ZHX3: variants seen among roughly 807,000 people sequenced by gnomAD.
ZHX3 encodes zinc fingers and homeoboxes protein 3.
In ZHX3, 20 loss-of-function variants were observed where a neutral mutation model predicts 64.5. That is an observed-to-expected ratio of 0.31 (90% confidence interval 0.22 to 0.45). The LOEUF is 0.45. ZHX3 is among the 20% of genes least tolerant of loss of function. ZHX3 has a pLI of 1.00. For synonymous variants in ZHX3, 423 were observed against 461.6 expected (o/e 0.92, Z 1.07); for missense variants, 1,041 against 1,195.8 (o/e 0.87, Z 1.91).
In ZHX3 at chr20:41,282,361, C is replaced by CT. The variant is rs568284480; in HGVS notation, c.-244-13279dup. 6.9e-3 allele frequency among the ~76,000 whole-genome samples: 672 copies of CT among 97,170 alleles called. 29 individuals are homozygous for CT. Among genetic ancestry groups the CT allele is most frequent in the Non-Finnish European group, 9.0e-3 (456 of 50,906 alleles). 63.7% of individuals were successfully genotyped at this position (97,170 alleles called of 152,430 possible). ...TAGAGGTCCATTAGACACAATTCATCTTTTTTTTTTTTTTTTTTTGCGAAG... is the reference window on the plus strand; with the variant it reads ...TAGAGGTCCATTAGACACAATTCATCTTTTTTTTTTTTTTTTTTTTGCGAAG... On this transcript the variant is annotated intron_variant, in intron 1 of 3. Coordinates refer to ENST00000683867, the MANE Select transcript of ZHX3 (RefSeq NM_001384317.1).
intron 2 of ZHX3, among the ~76,000 whole-genome samples, chr20:41,255,163 T>A (rs6129781): frequency 0.21 from 32,425 of 151,872 alleles, 3,676 homozygotes; most frequent in South Asian, 0.29. Context: ...ATATATATAT[T>A]TTTTTTGACA....
intron 1 of ZHX3, among the ~76,000 whole-genome samples, chr20:41,279,925 C>G (rs1219015507): frequency 6.6e-6 from 1 of 152,142 alleles, no homozygotes; most frequent in Non-Finnish European, 1.5e-5. Context: ...CCAGGACTGT[C>G]AGGAGAATAA....
chr20:41,204,640 C>A lies in ZHX3; in HGVS notation c.277G>T (p.Val93Leu). 1 of 1,614,230 alleles carries A rather than the reference C, an allele frequency of 6.2e-7. No homozygotes were observed. Among genetic ancestry groups the A allele is most frequent in the Non-Finnish European group, 8.5e-7 (1 of 1,180,042 alleles). ...DFRSHDMTQF[V>L]GHMNSEHTDF... ...GTGTGCTCTGAGTTCATATGTCCCA[C>A]AAATTGGGTCATGTCATGGGATCTG... The change falls in exon 3 of 4, where the codon GTG becomes TTG. Residue 93 changes from valine to leucine, a missense_variant. Physicochemically the swap from Val to Leu is conservative, Grantham distance 32. Around this residue, in one of 4 missense-constraint regions of ZHX3, gnomAD observed 358 missense variants for 369.1 expected, o/e 0.97. Transcript: ENST00000683867. This position sits in a 1 kb window ranked among gnomAD's most constrained non-coding sequence, Gnocchi z 6.6.
chr20:41,286,051 T>G (rs952674654), intron 1 of ZHX3, among the ~76,000 whole-genome samples: 2 of 152,250 alleles, frequency 1.3e-5, no homozygotes, highest in African/African-American at 4.8e-5. Context: ...TCTTGAATAC[T>G]TGTAAAGTCT....
intron 1 of ZHX3, among the ~76,000 whole-genome samples, chr20:41,272,789 T>C (rs1226161008): frequency 1.3e-5 from 2 of 152,146 alleles, no homozygotes; most frequent in Non-Finnish European, 2.9e-5. Flanking sequence ...TGATAGACAT[T>C]TGGGTTGTTT....
chr20:41,257,662 A>G (rs2042330903), intron 2 of ZHX3, among the ~76,000 whole-genome samples: 1 of 146,140 alleles, frequency 6.8e-6, no homozygotes, highest in Non-Finnish European at 1.5e-5. Context: ...CCCAGGCTGC[A>G]GTGCAGTGGC....
intron 2 of ZHX3, among the ~76,000 whole-genome samples, chr20:41,244,020 T>C (rs1165389722): frequency 6.6e-6 from 1 of 152,138 alleles, no homozygotes; most frequent in Non-Finnish European, 1.5e-5. Context: ...AATCTTTTTA[T>C]TGACATTTAG....
chr20:41,225,591 G>A (rs1027334731), intron 2 of ZHX3, among the ~76,000 whole-genome samples: 4 of 152,224 alleles, frequency 2.6e-5, no homozygotes, highest in East Asian at 1.9e-4. Context: ...AGGTTCAAGC[G>A]ATTCTCCTAC....
At chr20:41,210,044 A>G (rs1299087355) in intron 2 of ZHX3, among the ~76,000 whole-genome samples, 3 of 152,266 alleles carry the variant, frequency 2.0e-5, no homozygotes, top group African/African-American at 7.2e-5. Context: ...AAGGATATGA[A>G]CAGACACTTC....
At chr20:41,255,156 TA>T in intron 2 of ZHX3, among the ~76,000 whole-genome samples, 1 of 152,020 alleles carries the variant, frequency 6.6e-6, no homozygotes, top group African/African-American at 2.4e-5. Context: ...AAATGATATA[TA>T]TATATTTTTT....
Position 41,204,397 on chromosome 20 carries a change from C to G in ZHX3, c.520G>C (p.Asp174His). ...LAGEPSAEGA[D>H]GQAEIIITKT... Reference sequence around the variant, plus strand: ...GTAATGATGATTTCTGCCTGTCCATCAGCCCCTTCAGCACTGGGCTCACCC... The same window carrying G: ...GTAATGATGATTTCTGCCTGTCCATGAGCCCCTTCAGCACTGGGCTCACCC... Residue 174 changes from aspartate to histidine, a missense_variant, in exon 3 of 4, where the codon GAT becomes CAT. Transcript: ENST00000683867. The surrounding 1 kb of genome is among the most constrained non-coding windows in gnomAD (Gnocchi z 6.6). 1.9e-6 allele frequency: 3 copies of G among 1,614,210 alleles called. No homozygotes were observed. Among genetic ancestry groups the G allele is most frequent in the Non-Finnish European group, 2.5e-6 (3 of 1,180,046 alleles).
chr20:41,275,151 T>G (rs1469617937), intron 1 of ZHX3, among the ~76,000 whole-genome samples: 1 of 151,702 alleles, frequency 6.6e-6, no homozygotes. Flanking sequence ...AGAGTGAAAC[T>G]CCGTCTCAAA....
chr20:41,284,478 C>A (rs951789919), intron 1 of ZHX3, among the ~76,000 whole-genome samples: 1 of 152,160 alleles, frequency 6.6e-6, no homozygotes, highest in Non-Finnish European at 1.5e-5. Flanking sequence ...CTATGTTGCC[C>A]ATCTCAGTGT....
chr20:41,249,611 T>TC (rs1347235245), intron 2 of ZHX3, among the ~76,000 whole-genome samples: 2 of 152,056 alleles, frequency 1.3e-5, no homozygotes, highest in African/African-American at 4.8e-5. Flanking sequence ...GAGGCCTCCT[T>TC]CCCCCAGTTC....
intron 2 of ZHX3, among the ~76,000 whole-genome samples, chr20:41,242,370 C>T (rs1449912173): frequency 2.0e-5 from 3 of 152,184 alleles, no homozygotes; most frequent in Non-Finnish European, 2.9e-5. Flanking sequence ...GATTCTTAAC[C>T]ACAGCACATC....
At position 41,201,911 on chromosome 20, in the gene ZHX3, T is replaced by A. The variant is rs1274064174; in HGVS notation, c.2860+146A>T. The A allele has an allele frequency of 2.1e-6, 2 of 940,222 alleles. No individual in the cohort carries two copies. Among genetic ancestry groups the A allele is most frequent in the Admixed American group, 6.2e-5 (2 of 32,326 alleles). 58.2% of individuals were successfully genotyped at this position (940,222 alleles called of 1,614,324 possible). On this transcript the variant is annotated intron_variant, in intron 3 of 3. Transcript: ENST00000683867. This position sits in a 1 kb window ranked among gnomAD's most constrained non-coding sequence, Gnocchi z 5.0. ...TTCCTATGGCTTCTGCTGCTAGTTG[T>A]CCTCTGAAGCAGCCAGGCGGTTAAT...
Position 41,185,205 on chromosome 20 carries a change from A to G in ZHX3, c.2861-4T>C. ...TCAGATCAAATTCAGTCTGTTTCTGAGAAGAAAACACATGCCTGTCACTCT... is the reference window on the plus strand; with the variant it reads ...TCAGATCAAATTCAGTCTGTTTCTGGGAAGAAAACACATGCCTGTCACTCT... On this transcript the variant is annotated splice_region_variant and splice_polypyrimidine_tract_variant and intron_variant, in intron 3 of 3. Transcript: ENST00000683867. This position sits in a 1 kb window ranked among gnomAD's most constrained non-coding sequence, Gnocchi z 5.0. The G allele has an allele frequency of 6.2e-7, 1 of 1,605,814 alleles. No homozygotes were observed. Among genetic ancestry groups the G allele is most frequent in the African/African-American group, 1.3e-5 (1 of 74,918 alleles).
intron 2 of ZHX3, among the ~76,000 whole-genome samples, chr20:41,247,830 C>G (rs995093065): frequency 6.6e-6 from 1 of 152,206 alleles, no homozygotes; most frequent in Non-Finnish European, 1.5e-5. Flanking sequence ...CCCACTTCAG[C>G]CTGGTATCAT....
Position 41,308,126 on chromosome 20 carries a change from T to C in ZHX3, c.-245+9383A>G, listed in dbSNP as rs368564794. The stretch of plus-strand genomic sequence containing the variant: ...ATATTATCACCATCACACTGATCGG[T>C]TGAGTATTCCTCAGCTTTAGAAGAA... On this transcript the variant is annotated intron_variant, in intron 1 of 3. Transcript: ENST00000683867. Among the ~76,000 whole-genome samples the C allele has an allele frequency of 3.8e-4, 58 of 152,376 alleles. 1 individual carries two copies. In the East Asian group the frequency reaches 4.8e-3, roughly 13 times the overall value.
Sources: allele counts gnomAD v4.1 joint callset (sites outside exome capture counted in the v4.1 genomes callset), GRCh38; gene constraint gnomAD v4.1.1; regional missense constraint gnomAD v4.1.1; non-coding constraint Gnocchi (gnomAD v3.1); transcripts MANE v1.5; gene names NCBI Gene and HGNC (gene_info 2026-07-23, HGNC 2026-07-21).